The following KCNIP3 variants were observed in gnomAD, a reference collection of about 807,000 sequenced individuals.
The protein encoded by KCNIP3 is potassium voltage-gated channel interacting protein 3.
In KCNIP3, 28 loss-of-function variants were observed where a neutral mutation model predicts 35.0. That is an observed-to-expected ratio of 0.80 (90% CI 0.59 to 1.10). KCNIP3 has a LOEUF of 1.10. KCNIP3 is among the 50% of genes least tolerant of loss of function. KCNIP3 has a pLI of 0.00. For synonymous variants in KCNIP3, 134 were observed against 133.8 expected (o/e 1.00, Z -0.01); for missense variants, 295 against 338.4 (o/e 0.87, Z 1.01).
At chr2:95,322,865 G>C (rs755124269) in intron 2 of KCNIP3, among the ~76,000 whole-genome samples, 1 of 152,198 alleles carries the variant, frequency 6.6e-6, no homozygotes, top group Non-Finnish European at 1.5e-5. Context: ...TGAGTACTGC[G>C]AGGCCCTGTG....
chr2:95,383,875 T>C (rs1680415048), intron 8 of KCNIP3, 127 bp from the exon 9 acceptor site: 6 of 821,584 alleles, frequency 7.3e-6, no homozygotes, highest in Non-Finnish European at 1.1e-5. Context: ...CCCAGCTCCC[T>C]GCACCCAATA....
At chr2:95,383,108 G>A (rs1467054215) in intron 7 of KCNIP3, 124 bp from the exon 8 acceptor site, 2 of 719,484 alleles carry the variant, frequency 2.8e-6, no homozygotes, top group African/African-American at 1.8e-5. Context: ...TAGAGTGGAG[G>A]GAGCCCACCC....
intron 2 of KCNIP3, among the ~76,000 whole-genome samples, chr2:95,366,686 C>T (rs560193004): frequency 6.6e-6 from 1 of 152,278 alleles, no homozygotes; most frequent in South Asian, 2.1e-4. Context: ...CCACTGCAAG[C>T]GCCCGACATT....
chr2:95,315,947 C>T (rs1287997217), intron 2 of KCNIP3, among the ~76,000 whole-genome samples: 4 of 152,210 alleles, frequency 2.6e-5, no homozygotes, highest in East Asian at 1.9e-4. Context: ...TGGGGCTGGG[C>T]GAGAGGTTGA....
chr2:95,369,594 G>A (rs761052791), intron 2 of KCNIP3, among the ~76,000 whole-genome samples: 32 of 151,436 alleles, frequency 2.1e-4, no homozygotes, highest in Admixed American at 5.9e-4. Flanking sequence ...CCTGATGTTG[G>A]TAGCTTATGT....
chr2:95,383,378 A>C (rs976899635), intron 8 of KCNIP3, 84 bp downstream of exon 8: 17 of 1,337,602 alleles, frequency 1.3e-5, no homozygotes, highest in South Asian at 3.8e-5. Context: ...CCCTTCCCTC[A>C]CCCCAGTCCC....
intron 2 of KCNIP3, among the ~76,000 whole-genome samples, chr2:95,356,813 A>T (rs967869731): frequency 1.1e-4 from 17 of 152,178 alleles, no homozygotes; most frequent in Non-Finnish European, 1.9e-4. Context: ...TTTGGAGTGT[A>T]CATTCGCTTT....
intron 2 of KCNIP3, among the ~76,000 whole-genome samples, chr2:95,360,339 C>G (rs1225498685): frequency 2.0e-5 from 3 of 152,180 alleles, no homozygotes; most frequent in Non-Finnish European, 4.4e-5. Context: ...GACCTCATCA[C>G]CATCCATATT....
chr2:95,326,148 C>T (rs915414196), intron 2 of KCNIP3, among the ~76,000 whole-genome samples: 1 of 151,884 alleles, frequency 6.6e-6, no homozygotes, highest in African/African-American at 2.4e-5. Flanking sequence ...GACACACATA[C>T]ACTTATATAC....
rs539858432 is a variant in KCNIP3 at position 95,309,509 on chromosome 2, C to T, written c.16-846C>T. 1.3e-3 allele frequency among the ~76,000 whole-genome samples: 205 copies of T among 151,876 alleles called. 1 individual carries two copies. The highest frequency in any genetic ancestry group is 4.8e-3 in the African/African-American group (199 of 41,374). On this transcript the variant is annotated intron_variant, in intron 1 of 8. Coordinates refer to ENST00000295225, the MANE Select transcript of KCNIP3 (RefSeq NM_013434.5). Reference sequence around the variant, plus strand: ...CATGATCTCAGCTCACTGTAACCTCCGTCTCCCGGGCTCAAGCAATTCTCC... The same window carrying T: ...CATGATCTCAGCTCACTGTAACCTCTGTCTCCCGGGCTCAAGCAATTCTCC...
At chr2:95,325,031 G>A (rs984806896) in intron 2 of KCNIP3, among the ~76,000 whole-genome samples, 1 of 152,200 alleles carries the variant, frequency 6.6e-6, no homozygotes, top group African/African-American at 2.4e-5. Flanking sequence ...GAGGTAGAAG[G>A]GGGGCTCCAG....
At chr2:95,333,471 T>C (rs574538968) in intron 2 of KCNIP3, among the ~76,000 whole-genome samples, 2 of 152,302 alleles carry the variant, frequency 1.3e-5, no homozygotes, top group South Asian at 2.1e-4. Context: ...TCTCCTGTGG[T>C]GGCCTCACCA....
chr2:95,327,881 T>C (rs1678833234), intron 2 of KCNIP3, among the ~76,000 whole-genome samples: 1 of 152,200 alleles, frequency 6.6e-6, no homozygotes, highest in African/African-American at 2.4e-5. Context: ...CCTCCCACCT[T>C]GCAGGTCCCC....
intron 2 of KCNIP3, among the ~76,000 whole-genome samples, chr2:95,325,921 ACACT>A (rs1181029193): frequency 1.3e-5 from 2 of 151,702 alleles, no homozygotes; most frequent in African/African-American, 4.9e-5. Flanking sequence ...ATACACATAC[ACACT>A]CATACACATA....
intron 2 of KCNIP3, chr2:95,368,536 A>C (rs1319704624): frequency 5.7e-6 from 2 of 349,848 alleles, no homozygotes; most frequent in East Asian, 1.1e-4. Flanking sequence ...AAATAAAAAA[A>C]AATTAAGTGG....
rs548187517 is a variant in KCNIP3 at position 95,382,928 on chromosome 2, C to T, written c.661-304C>T. ...CTGGCTGCCTCTCAGGGAGGTGAGG[C>T]GGTCAGATGAGCATGGGGACAAATT... is the stretch of plus-strand genomic sequence containing the variant. On this transcript the variant is annotated intron_variant, in intron 7 of 8. Transcript: ENST00000295225. The surrounding 1 kb of genome is among the most constrained non-coding windows in gnomAD (Gnocchi z 4.5). Among the ~76,000 whole-genome samples, 130 of 152,248 alleles carry T rather than the reference C, an allele frequency of 8.5e-4. 1 individual carries two copies. The highest frequency in any genetic ancestry group is 3.1e-3 in the African/African-American group (127 of 41,540).
chr2:95,330,094 A>G (rs1205635100), intron 2 of KCNIP3, among the ~76,000 whole-genome samples: 1 of 152,188 alleles, frequency 6.6e-6, no homozygotes, highest in Non-Finnish European at 1.5e-5. Context: ...AGCAGAAGTG[A>G]GCTGGGAGTA....
Position 95,347,266 on chromosome 2 carries a change from G to T in KCNIP3, c.182-27030G>T, listed in dbSNP as rs558069370. 1.7e-3 allele frequency: 1,143 copies of T among 687,864 alleles called. 2 individuals carry two copies. Among genetic ancestry groups the T allele is most frequent in the Non-Finnish European group, 2.6e-3 (1,055 of 407,208 alleles). 42.6% of individuals were successfully genotyped at this position (687,864 alleles called of 1,614,324 possible). The stretch of plus-strand genomic sequence containing the variant: ...CCCCCTCCCGGCTCCGGAGGGTTGG[G>T]CCTGGGACTAAGGAGACGTAGTCCC... On this transcript the variant is annotated intron_variant, in intron 2 of 8. Coordinates refer to ENST00000295225, the MANE Select transcript of KCNIP3 (RefSeq NM_013434.5).
At chr2:95,367,603 ATACCTAAG>A (rs2104292581) in intron 2 of KCNIP3, among the ~76,000 whole-genome samples, 1 of 152,316 alleles carries the variant, frequency 6.6e-6, no homozygotes, top group East Asian at 1.9e-4. Flanking sequence ...TGCAAGATAT[ATACCTAAG>A]TATTTCATTT....
Sources: gnomAD v4.1 joint callset for allele counts (sites outside exome capture counted in the v4.1 genomes callset) on GRCh38, gnomAD v4.1.1 for gene constraint, Gnocchi (gnomAD v3.1) non-coding constraint, MANE v1.5 for transcripts, NCBI Gene and HGNC (gene_info 2026-07-23, HGNC 2026-07-21) for gene names.